Variants in TAX1BP1 observed in about 807,000 individuals in gnomAD.
TAX1BP1 encodes Tax1 binding protein 1, also known as tax1-binding protein 1.
TAX1BP1 carries 62 observed loss-of-function variants against 97.7 expected under a neutral mutation model. The observed-to-expected ratio is 0.63, with a 90% CI of 0.52 to 0.78. The LOEUF (loss-of-function observed/expected upper bound fraction) is 0.78. TAX1BP1 is among the 30% of genes least tolerant of loss of function. TAX1BP1 has a pLI of 0.00. For synonymous variants in TAX1BP1, 340 were observed against 304.2 expected (o/e 1.12, Z -1.23); for missense variants, 867 against 916.1 (o/e 0.95, Z 0.69).
intron 13 of TAX1BP1, among the ~76,000 whole-genome samples, chr7:27,814,588 A>T (rs1790691004): frequency 6.6e-6 from 1 of 152,120 alleles, no homozygotes; most frequent in Non-Finnish European, 1.5e-5. Context: ...TCATATATTT[A>T]TTCCTAAACA....
At chr7:27,754,090 A>G (rs1788118191) in intron 2 of TAX1BP1, among the ~76,000 whole-genome samples, 1 of 152,174 alleles carries the variant, frequency 6.6e-6, no homozygotes, top group Admixed American at 6.5e-5. Flanking sequence ...AATGCATAAC[A>G]TGTCCTATAC....
intron 13 of TAX1BP1, chr7:27,803,298 CA>C (rs200266682): frequency 0.029 from 29,847 of 1,017,738 alleles, 580 homozygotes; most frequent in Non-Finnish European, 0.035. Context: ...TTTAGGAAAA[CA>C]GTGAAATTTC....
chr7:27,820,820 C>T (rs1016217703), intron 15 of TAX1BP1, among the ~76,000 whole-genome samples: 2 of 152,170 alleles, frequency 1.3e-5, no homozygotes, highest in African/African-American at 2.4e-5. Context: ...ACACCAACAG[C>T]ATAAGCAACA....
intron 3 of TAX1BP1, among the ~76,000 whole-genome samples, chr7:27,761,674 T>A (rs918149240): frequency 1.3e-5 from 2 of 152,220 alleles, no homozygotes; most frequent in African/African-American, 4.8e-5. Flanking sequence ...GCTCATTTCT[T>A]TTATTACTGA....
At chr7:27,799,401 A>G (rs1790050374) in intron 12 of TAX1BP1, among the ~76,000 whole-genome samples, 1 of 152,182 alleles carries the variant, frequency 6.6e-6, no homozygotes, top group Admixed American at 6.5e-5. Flanking sequence ...AAGTCAACCT[A>G]AAAATTATCT....
At chr7:27,748,765 C>A in intron 2 of TAX1BP1, 79 bp downstream of exon 2, 1 of 1,130,662 alleles carries the variant, frequency 8.8e-7, no homozygotes, top group Non-Finnish European at 1.2e-6. Context: ...GTAGCTTTTA[C>A]TTGCCTTAAC....
intron 7 of TAX1BP1, among the ~76,000 whole-genome samples, chr7:27,786,749 A>G (rs1283404511): frequency 1.3e-5 from 2 of 152,194 alleles, no homozygotes; most frequent in African/African-American, 4.8e-5. Context: ...TGTATATTTA[A>G]AGAGTAAAGT....
chr7:27,766,406 C>G (rs947500579), intron 4 of TAX1BP1, among the ~76,000 whole-genome samples: 2 of 105,688 alleles, frequency 1.9e-5, no homozygotes, highest in Non-Finnish European at 3.6e-5. Flanking sequence ...GGCGACAGAG[C>G]GAGACTCCGT....
chr7:27,812,937 A>G (rs943038745), intron 13 of TAX1BP1, among the ~76,000 whole-genome samples: 1 of 152,192 alleles, frequency 6.6e-6, no homozygotes, highest in Non-Finnish European at 1.5e-5. Context: ...GGTATCATCT[A>G]TGACTGCAAT....
intron 15 of TAX1BP1, among the ~76,000 whole-genome samples, chr7:27,823,276 A>T (rs1264627496): frequency 6.6e-6 from 1 of 152,146 alleles, no homozygotes; most frequent in Non-Finnish European, 1.5e-5. Context: ...AATAAAAGTT[A>T]CCCAGAGTCA....
chr7:27,751,184 C>CA (rs1788007053), intron 2 of TAX1BP1, among the ~76,000 whole-genome samples: 1 of 151,070 alleles, frequency 6.6e-6, no homozygotes, highest in African/African-American at 2.4e-5. Context: ...TTTCTCTCAG[C>CA]AAAAAAGAAA....
intron 5 of TAX1BP1, among the ~76,000 whole-genome samples, chr7:27,774,383 T>C (rs1220869464): frequency 4.6e-5 from 7 of 152,140 alleles, no homozygotes; most frequent in Non-Finnish European, 1.0e-4. Context: ...AGTCGTCTAG[T>C]TAACAAGTGG....
intron 5 of TAX1BP1, among the ~76,000 whole-genome samples, chr7:27,770,625 G>A (rs530212570): frequency 2.6e-5 from 4 of 152,028 alleles, no homozygotes; most frequent in Non-Finnish European, 5.9e-5. Context: ...AAGGCCTCCA[G>A]CAATTGCTTA....
intron 5 of TAX1BP1, among the ~76,000 whole-genome samples, chr7:27,783,624 A>G (rs3779472): frequency 0.13 from 19,939 of 152,086 alleles, 1,560 homozygotes; most frequent in African/African-American, 0.22. Context: ...CTCTTTTCCT[A>G]TGCATTTTGT....
intron 13 of TAX1BP1, among the ~76,000 whole-genome samples, chr7:27,804,970 T>A (rs1174390799): frequency 6.6e-6 from 1 of 152,208 alleles, no homozygotes. Flanking sequence ...CAAATAATAC[T>A]GCAATGAATG....
At chr7:27,820,286 CAT>C (rs1426564727) in intron 15 of TAX1BP1, among the ~76,000 whole-genome samples, 2 of 152,206 alleles carry the variant, frequency 1.3e-5, no homozygotes, top group Non-Finnish European at 2.9e-5. Flanking sequence ...AAACTTTTCA[CAT>C]GAGCCCTTCA....
intron 4 of TAX1BP1, among the ~76,000 whole-genome samples, chr7:27,767,925 C>T (rs1301668311): frequency 6.6e-6 from 1 of 151,792 alleles, no homozygotes; most frequent in Non-Finnish European, 1.5e-5. Context: ...AAATCTTTAT[C>T]TAAAACTGCA....
At chr7:27,794,243 T>C (rs1223184519) in intron 10 of TAX1BP1, 80 bp from the exon 11 acceptor site, 33 of 1,231,362 alleles carry the variant, frequency 2.7e-5, no homozygotes, top group Non-Finnish European at 3.3e-5. Flanking sequence ...TATGTAAAAA[T>C]ATTATTTACT....
At chr7:27,772,960 C>A (rs1220285116) in intron 5 of TAX1BP1, among the ~76,000 whole-genome samples, 1 of 151,946 alleles carries the variant, frequency 6.6e-6, no homozygotes, top group Non-Finnish European at 1.5e-5. Flanking sequence ...ATTTTCCATT[C>A]CTTTCTGGTT....
Sources: gnomAD v4.1 joint callset for allele counts (sites outside exome capture counted in the v4.1 genomes callset) on GRCh38, gnomAD v4.1.1 for gene constraint, MANE v1.5 for transcripts, NCBI Gene and HGNC (gene_info 2026-07-23, HGNC 2026-07-21) for gene names.